XPR1: variants seen among roughly 807,000 people sequenced by gnomAD.
The protein encoded by XPR1 is xenotropic and polytropic retrovirus receptor 1, also known as solute carrier family 53 member 1.
A neutral mutation model predicts 87.5 loss-of-function variants in XPR1; 28 were observed. The observed-to-expected ratio is 0.32, with a 90% CI of 0.24 to 0.44. The LOEUF (loss-of-function observed/expected upper bound fraction) is 0.44, where lower values mean the gene tolerates loss of function less well. Ranked by LOEUF, XPR1 falls within the 20% of genes least tolerant of loss-of-function variation. The pLI is 1.00. For missense variants in XPR1, 559 were observed against 862.3 expected (o/e 0.65, Z 4.41); for synonymous variants, 300 against 306.1 (o/e 0.98, Z 0.21).
At chr1:180,748,932 C>T (rs572162179) in intron 2 of XPR1, among the ~76,000 whole-genome samples, 1 of 152,344 alleles carries the variant, frequency 6.6e-6, no homozygotes, top group African/African-American at 2.4e-5. Flanking sequence ...GACGAGGTGG[C>T]TCACGCCTAT....
chr1:180,815,249 GT>G (rs914160731), intron 7 of XPR1, among the ~76,000 whole-genome samples: 2 of 151,294 alleles, frequency 1.3e-5, no homozygotes, highest in Admixed American at 6.6e-5. Flanking sequence ...CAATTTGAGG[GT>G]TTTTTTGTTT....
chr1:180,808,469 A>G (rs1221479158), intron 6 of XPR1, among the ~76,000 whole-genome samples: 1 of 152,154 alleles, frequency 6.6e-6, no homozygotes, highest in East Asian at 1.9e-4. Flanking sequence ...CATCAAAATT[A>G]AAAAACGTAT....
chr1:180,736,354 G>T (rs1658730575), intron 2 of XPR1, among the ~76,000 whole-genome samples: 2 of 152,250 alleles, frequency 1.3e-5, no homozygotes, highest in South Asian at 4.2e-4. Context: ...GAGGACTAAA[G>T]GACTCTTTTA....
At chr1:180,774,133 T>C (rs1243785661) in intron 2 of XPR1, among the ~76,000 whole-genome samples, 5 of 152,104 alleles carry the variant, frequency 3.3e-5, no homozygotes, top group African/African-American at 9.7e-5. Flanking sequence ...CTGGTCTAAT[T>C]TGAAGAATAC....
chr1:180,879,873 T>C (rs930866161), intron 13 of XPR1, among the ~76,000 whole-genome samples: 23 of 152,058 alleles, frequency 1.5e-4, no homozygotes, highest in African/African-American at 5.3e-4. Context: ...CATAAGTCCC[T>C]CCCTTTTTCA....
At chr1:180,666,403 T>A (rs571324435) in intron 1 of XPR1, among the ~76,000 whole-genome samples, 72 of 152,324 alleles carry the variant, frequency 4.7e-4, no homozygotes, top group Non-Finnish European at 8.4e-4. Context: ...CAATATTGAG[T>A]CTTATAATAC....
intron 3 of XPR1, among the ~76,000 whole-genome samples, chr1:180,793,212 A>C (rs1209000424): frequency 6.6e-6 from 1 of 152,142 alleles, no homozygotes; most frequent in Non-Finnish European, 1.5e-5. Context: ...AAGACCGATT[A>C]GATAATAGTT....
rs1654604780 is a variant in XPR1, at chr1:180,632,157, C to T, written c.-45C>T. On this transcript the variant is annotated 5_prime_UTR_variant, in exon 1 of 15. Coordinates refer to ENST00000367590, the MANE Select transcript of XPR1 (RefSeq NM_004736.4). ...GTCGGAGTCGCTGTTGCCGCCGCCGCCTGTAGCTGCTGGACCCGAGTGGGA... is the reference window on the plus strand; with the variant it reads ...GTCGGAGTCGCTGTTGCCGCCGCCGTCTGTAGCTGCTGGACCCGAGTGGGA... The T allele has an allele frequency of 5.7e-6, 9 of 1,582,104 alleles. No homozygotes were observed. Among genetic ancestry groups the T allele is most frequent in the Non-Finnish European group, 6.9e-6 (8 of 1,164,820 alleles).
At chr1:180,790,550 T>C (rs991397036) in intron 3 of XPR1, among the ~76,000 whole-genome samples, 6 of 152,010 alleles carry the variant, frequency 3.9e-5, no homozygotes, top group Non-Finnish European at 8.8e-5. Flanking sequence ...ATACATTTTC[T>C]TTTTTTTGAG....
intron 1 of XPR1, among the ~76,000 whole-genome samples, chr1:180,669,564 G>A (rs1385348717): frequency 1.3e-5 from 2 of 152,064 alleles, no homozygotes; most frequent in Non-Finnish European, 2.9e-5. Context: ...GTTTCACCAT[G>A]TTGGCCAGGC....
intron 2 of XPR1, among the ~76,000 whole-genome samples, chr1:180,683,121 C>G (rs535943515): frequency 2.1e-5 from 3 of 141,562 alleles, no homozygotes; most frequent in South Asian, 2.5e-4. Flanking sequence ...ATCCCTCCCC[C>G]CACCCCACAA....
intron 1 of XPR1, among the ~76,000 whole-genome samples, chr1:180,668,836 T>C (rs1353766503): frequency 6.6e-6 from 1 of 152,194 alleles, no homozygotes; most frequent in African/African-American, 2.4e-5. Flanking sequence ...ACACCTGTAA[T>C]CCCAGCACTT....
In XPR1 at chr1:180,884,112, A is replaced by G. The variant is rs377641262; in HGVS notation, c.*46A>G. On this transcript the variant is annotated 3_prime_UTR_variant, in exon 15 of 15. Transcript: ENST00000367590. ...ACATCTTTGGTTTTCCTACTCTACA[A>G]TCCTTTCCTCGACCAACGCAACCTC... 18 of 1,591,634 alleles carry G rather than the reference A, an allele frequency of 1.1e-5. No individual in the cohort carries two copies. In the Admixed American group the frequency reaches 1.2e-4, roughly 10 times the overall value.
chr1:180,824,389 T>G (rs1258846253), intron 7 of XPR1, among the ~76,000 whole-genome samples: 1 of 152,180 alleles, frequency 6.6e-6, no homozygotes, highest in African/African-American at 2.4e-5. Context: ...AAGACAATCC[T>G]GGCCAACATG....
chr1:180,774,092 G>A (rs1382938092), intron 2 of XPR1, among the ~76,000 whole-genome samples: 3 of 152,098 alleles, frequency 2.0e-5, no homozygotes, highest in South Asian at 2.1e-4. Flanking sequence ...TTGGAAGAGT[G>A]TCTTTATCAG....
intron 2 of XPR1, among the ~76,000 whole-genome samples, chr1:180,786,135 G>A (rs1465977338): frequency 6.6e-6 from 1 of 151,934 alleles, no homozygotes. Flanking sequence ...CAGGTCTAAA[G>A]CACATGAAAT....
chr1:180,748,916 A>G (rs1319653072), intron 2 of XPR1, among the ~76,000 whole-genome samples: 1 of 152,206 alleles, frequency 6.6e-6, no homozygotes, highest in Non-Finnish European at 1.5e-5. Flanking sequence ...GAAATTAACA[A>G]AACTGGACGA....
At chr1:180,674,726 C>CA (rs1656309311) in intron 1 of XPR1, among the ~76,000 whole-genome samples, 1 of 152,058 alleles carries the variant, frequency 6.6e-6, no homozygotes, top group Admixed American at 6.5e-5. Flanking sequence ...TGTCTGACAT[C>CA]ATAGCTCCCA....
chr1:180,679,970 C>T (rs78607318), intron 1 of XPR1, among the ~76,000 whole-genome samples: 3,671 of 152,132 alleles, frequency 0.024, 152 homozygotes, highest in African/African-American at 0.083. Flanking sequence ...GAGAAAATAT[C>T]TGGACACTAC....
Sources: gnomAD v4.1 joint callset for allele counts (sites outside exome capture counted in the v4.1 genomes callset) on GRCh38, gnomAD v4.1.1 for gene constraint, MANE v1.5 for transcripts, NCBI Gene and HGNC (gene_info 2026-07-23, HGNC 2026-07-21) for gene names.